MRPL13: variants seen among roughly 807,000 people sequenced by gnomAD.
The protein encoded by MRPL13 is large ribosomal subunit protein uL13m.
In MRPL13, 33 loss-of-function variants were observed where a neutral mutation model predicts 29.0. The ratio of observed to expected loss-of-function variants is 1.14; its 90% CI spans 0.86 to 1.52. The LOEUF (loss-of-function observed/expected upper bound fraction) is 1.52. MRPL13 is among the 40% of genes most tolerant of loss of function. The probability of loss-of-function intolerance (pLI) is 0.00; values close to 1 mark genes in which losing one functional copy is unlikely to be tolerated. For synonymous variants in MRPL13, 77 were observed against 68.4 expected (o/e 1.13, Z -0.62); for missense variants, 227 against 216.7 (o/e 1.05, Z -0.30).
chr8:120,442,984 C>T lies in MRPL13; in HGVS notation c.151+201G>A, dbSNP rs1026912746. Among the ~76,000 whole-genome samples the T allele has an allele frequency of 6.6e-5, 10 of 152,012 alleles. 1 individual carries two copies. The highest frequency in any genetic ancestry group is 2.2e-4 in the African/African-American group (9 of 41,378). Reference sequence around the variant, plus strand: ...GCAGTGGCATAAAATAGGCTTGTTCCGGGTAAACTGATCCATACGGTTTTC... The same window carrying T: ...GCAGTGGCATAAAATAGGCTTGTTCTGGGTAAACTGATCCATACGGTTTTC... On this transcript the variant is annotated intron_variant, in intron 2 of 6. Transcript: ENST00000306185.
At chr8:120,436,125 A>G (rs1470505284) in intron 2 of MRPL13, among the ~76,000 whole-genome samples, 5 of 152,174 alleles carry the variant, frequency 3.3e-5, no homozygotes, top group African/African-American at 1.2e-4. Context: ...ATAAAGAGTA[A>G]TAGGGTGAAG....
chr8:120,444,696 C>A (rs984317126), intron 1 of MRPL13, among the ~76,000 whole-genome samples: 1 of 152,096 alleles, frequency 6.6e-6, no homozygotes, highest in African/African-American at 2.4e-5. Context: ...CAGGTCAGAT[C>A]CTGTTACTCC....
chr8:120,428,125 A>AT (rs1491488072), intron 3 of MRPL13, among the ~76,000 whole-genome samples: 1 of 30,604 alleles, frequency 3.3e-5, no homozygotes, highest in East Asian at 1.6e-3. Context: ...CATGGTACTG[A>AT]TAAAAAAAAA....
At chr8:120,425,208 AAT>A in intron 4 of MRPL13, 96 bp downstream of exon 4, 2 of 871,016 alleles carry the variant, frequency 2.3e-6, no homozygotes, top group Non-Finnish European at 3.6e-6. Flanking sequence ...TATATCCTTG[AAT>A]GCTAACTATA....
chr8:120,396,945 C>T (rs574403994), intron 6 of MRPL13, among the ~76,000 whole-genome samples: 9 of 152,318 alleles, frequency 5.9e-5, no homozygotes, highest in Non-Finnish European at 7.4e-5. Flanking sequence ...AATTCAGCAC[C>T]TTCAACTGAA....
chr8:120,425,014 A>C (rs1009713468), intron 4 of MRPL13, among the ~76,000 whole-genome samples: 41 of 152,122 alleles, frequency 2.7e-4, no homozygotes, highest in Admixed American at 2.4e-3. Context: ...TCTCCTTTCC[A>C]AGACATTTCA....
Position 120,442,070 on chromosome 8 carries a change from C to T in MRPL13, c.151+1115G>A, listed in dbSNP as rs180679044. On this transcript the variant is annotated intron_variant, in intron 2 of 6. Coordinates refer to ENST00000306185, the MANE Select transcript of MRPL13 (RefSeq NM_014078.6). ...ACAAAAGACATGCACAGACATTTCA[C>T]AGGACAGGAAGCTGTAAAGGCCAAT... Among the ~76,000 whole-genome samples the T allele has an allele frequency of 4.1e-3, 625 of 152,178 alleles. 5 individuals are homozygous for T. Among genetic ancestry groups the T allele is most frequent in the African/African-American group, 0.014 (586 of 41,518 alleles).
chr8:120,432,141 A>G lies in MRPL13; in HGVS notation c.152-18T>C. 1 of 1,538,772 alleles carries G rather than the reference A, an allele frequency of 6.5e-7. No individual in the cohort carries two copies. The highest frequency in any genetic ancestry group is 8.7e-7 in the Non-Finnish European group (1 of 1,145,140). ...ACAGTCACCTACATTTTAAAAAGAA[A>G]CAAGATTTTGTAAGAAAAATAAAAA... On this transcript the variant is annotated intron_variant, in intron 2 of 6. Coordinates refer to ENST00000306185, the MANE Select transcript of MRPL13 (RefSeq NM_014078.6).
At chr8:120,436,958 T>C (rs973261622) in intron 2 of MRPL13, among the ~76,000 whole-genome samples, 1 of 152,186 alleles carries the variant, frequency 6.6e-6, no homozygotes, top group African/African-American at 2.4e-5. Flanking sequence ...AATGATCAGA[T>C]AGGTTACCAT....
At chr8:120,398,022 T>G (rs1463484900) in intron 6 of MRPL13, among the ~76,000 whole-genome samples, 1 of 152,042 alleles carries the variant, frequency 6.6e-6, no homozygotes, top group African/African-American at 2.4e-5. Context: ...GCGGGAGGGG[T>G]GGCCAACATC....
chr8:120,429,014 T>G (rs1020722529), intron 3 of MRPL13, among the ~76,000 whole-genome samples: 1 of 152,128 alleles, frequency 6.6e-6, no homozygotes, highest in East Asian at 1.9e-4. Flanking sequence ...CTAAGAAATA[T>G]AAATTGTTCT....
At chr8:120,413,101 T>C (rs564987989) in intron 6 of MRPL13, among the ~76,000 whole-genome samples, 1 of 152,292 alleles carries the variant, frequency 6.6e-6, no homozygotes, top group African/African-American at 2.4e-5. Flanking sequence ...GTACAGTAGA[T>C]AGTGATAAAT....
At chr8:120,416,662 T>C (rs908501821) in intron 5 of MRPL13, among the ~76,000 whole-genome samples, 4 of 152,198 alleles carry the variant, frequency 2.6e-5, no homozygotes, top group African/African-American at 7.2e-5. Context: ...ACAAAAGTTG[T>C]GACAATATAA....
At chr8:120,402,257 A>G (rs1344997955) in intron 6 of MRPL13, among the ~76,000 whole-genome samples, 1 of 152,226 alleles carries the variant, frequency 6.6e-6, no homozygotes, top group Non-Finnish European at 1.5e-5. Flanking sequence ...ACTATACTAC[A>G]AAGCTACAGT....
At chr8:120,421,078 G>C (rs1812867996) in intron 4 of MRPL13, among the ~76,000 whole-genome samples, 3 of 151,688 alleles carry the variant, frequency 2.0e-5, no homozygotes, top group Non-Finnish European at 4.4e-5. Context: ...AAGAAATTCA[G>C]AAAGTAAAAA....
intron 6 of MRPL13, among the ~76,000 whole-genome samples, chr8:120,400,513 G>A (rs745545366): frequency 6.6e-6 from 1 of 151,710 alleles, no homozygotes; most frequent in Non-Finnish European, 1.5e-5. Context: ...AAATGCCCAC[G>A]ACAAAAAGCT....
chr8:120,421,269 A>G lies in MRPL13; in HGVS notation c.307-1331T>C, dbSNP rs377737812. ...TAGAACCTCTTAAAGAAGCTAAAACATACAACAGAGAGAAAAAGAACATAA... is the reference window on the plus strand; with the variant it reads ...TAGAACCTCTTAAAGAAGCTAAAACGTACAACAGAGAGAAAAAGAACATAA... On this transcript the variant is annotated intron_variant, in intron 4 of 6. Coordinates refer to ENST00000306185, the MANE Select transcript of MRPL13 (RefSeq NM_014078.6). Among the ~76,000 whole-genome samples, 5 of 152,036 alleles carry G rather than the reference A, an allele frequency of 3.3e-5. No homozygotes were observed. In the East Asian group the frequency reaches 9.6e-4, roughly 29 times the overall value.
intron 1 of MRPL13, among the ~76,000 whole-genome samples, chr8:120,443,965 G>C (rs1586930967): frequency 6.6e-6 from 1 of 151,974 alleles, no homozygotes; most frequent in Admixed American, 6.6e-5. Context: ...TTCTAGGCCA[G>C]AAAGATCTCC....
chr8:120,406,622 AT>A (rs1407393082), intron 6 of MRPL13, among the ~76,000 whole-genome samples: 1 of 150,582 alleles, frequency 6.6e-6, no homozygotes, highest in African/African-American at 2.4e-5. Context: ...TATGATATAT[AT>A]TTTATATACA....
Sources: gnomAD v4.1 joint callset for allele counts (sites outside exome capture counted in the v4.1 genomes callset) on GRCh38, gnomAD v4.1.1 for gene constraint, MANE v1.5 for transcripts, NCBI Gene and HGNC (gene_info 2026-07-23, HGNC 2026-07-21) for gene names.